Variants in ZNF385B observed in about 807,000 individuals in gnomAD.
The protein encoded by ZNF385B is zinc finger protein 385B.
ZNF385B carries 23 observed loss-of-function variants against 39.2 expected under a neutral mutation model. The ratio of observed to expected loss-of-function variants is 0.59; its 90% CI spans 0.42 to 0.83. The LOEUF is 0.83. Ranked by LOEUF, ZNF385B falls within the 40% of genes least tolerant of loss-of-function variation. The pLI, the probability that ZNF385B is intolerant of heterozygous loss-of-function variation, is 0.00. For missense variants in ZNF385B, 552 were observed against 598.9 expected, an observed-to-expected ratio of 0.92 and a Z score of 0.82; for synonymous variants, 205 against 222.6, an observed-to-expected ratio of 0.92 and a Z score of 0.70.
intron 3 of ZNF385B, among the ~76,000 whole-genome samples, chr2:179,701,917 T>C (rs1699234427): frequency 6.6e-6 from 1 of 152,212 alleles, no homozygotes; most frequent in South Asian, 2.1e-4. Context: ...CCAATCCAAG[T>C]ATAAACTGTC....
At chr2:179,516,165 C>T (rs7579276) in intron 5 of ZNF385B, among the ~76,000 whole-genome samples, 123,777 of 152,020 alleles carry the variant, frequency 0.81, 50,755 homozygotes, top group East Asian at 0.92. Flanking sequence ...ATGGCTTTAA[C>T]ATAGTTTGTT....
chr2:179,813,034 G>A (rs1300407782), intron 1 of ZNF385B, among the ~76,000 whole-genome samples: 1 of 151,662 alleles, frequency 6.6e-6, no homozygotes, highest in Non-Finnish European at 1.5e-5. Context: ...AATTTTTATT[G>A]TGTGGAAGCT....
rs117319434 is a variant in ZNF385B at position 179,606,176 on chromosome 2, C to A, written c.299-61207G>T. On this transcript the variant is annotated intron_variant, in intron 3 of 9. Coordinates refer to ENST00000410066, the MANE Select transcript of ZNF385B (RefSeq NM_152520.6). ...ATCTGATCAGAGTTGATAAAATGAT[C>A]AACTAGCAGAAAACATGGTTCTGCT... is the stretch of plus-strand genomic sequence containing the variant. 2.5e-3 allele frequency among the ~76,000 whole-genome samples: 378 copies of A among 152,168 alleles called. 11 individuals carry two copies. The East Asian group carries it at 0.057, about 23-fold the overall frequency.
In ZNF385B at chr2:179,445,712, G is replaced by T; in HGVS notation, c.978C>A (p.Thr326=). The part of the protein sequence containing the change: ...EAHNTGSKHK[T]MVEARNGAGP... ...CAGCCCCATTACGAGCTTCAACCAT[G>T]GTCTTGTGTTTAGATCCTAAGACAG... Residue 326 remains threonine (T), a synonymous_variant, in exon 8 of 10, where the codon ACC becomes ACA. Coordinates refer to ENST00000410066, the MANE Select transcript of ZNF385B (RefSeq NM_152520.6). 2 of 1,611,094 alleles carry T rather than the reference G, an allele frequency of 1.2e-6. No individual in the cohort carries two copies. The highest frequency in any genetic ancestry group is 1.7e-6 in the Non-Finnish European group (2 of 1,178,916).
chr2:179,763,561 A>G (rs1703520210), intron 3 of ZNF385B, among the ~76,000 whole-genome samples: 1 of 151,990 alleles, frequency 6.6e-6, no homozygotes, highest in Non-Finnish European at 1.5e-5. Flanking sequence ...TGGTTTATCT[A>G]TTCTTTTCTA....
chr2:179,642,856 T>C (rs961213590), intron 3 of ZNF385B, among the ~76,000 whole-genome samples: 7 of 152,172 alleles, frequency 4.6e-5, no homozygotes, highest in African/African-American at 1.7e-4. Flanking sequence ...AACCCTTCAG[T>C]AAACCTATTT....
At chr2:179,689,782 CATGTGTGTGTGT>C (rs1232834097) in intron 3 of ZNF385B, among the ~76,000 whole-genome samples, 2,044 of 104,862 alleles carry the variant, frequency 0.019, 59 homozygotes, top group African/African-American at 0.071. Context: ...AGGGCAGGGG[CATGTGTGTGTGT>C]GTGTGTGTGT....
Position 179,739,604 on chromosome 2 carries a change from T to A in ZNF385B, c.298+29899A>T, listed in dbSNP as rs147411809. Among the ~76,000 whole-genome samples, 7 of 152,344 alleles carry A rather than the reference T, an allele frequency of 4.6e-5. No individual in the cohort carries two copies. The East Asian group carries it at 1.3e-3, about 29-fold the overall frequency. On this transcript the variant is annotated intron_variant, in intron 3 of 9. Coordinates refer to ENST00000410066, the MANE Select transcript of ZNF385B (RefSeq NM_152520.6). ...TTTTACAGCTTAGACGGAGTTTAGC[T>A]TTACTGTAGGTTTACCTTAAACACG...
chr2:179,734,742 T>G (rs1380983595), intron 3 of ZNF385B, among the ~76,000 whole-genome samples: 1 of 152,154 alleles, frequency 6.6e-6, no homozygotes, highest in Non-Finnish European at 1.5e-5. Flanking sequence ...AAATAAATAA[T>G]ACACAGTATA....
chr2:179,492,845 A>G (rs2055394317), intron 5 of ZNF385B, among the ~76,000 whole-genome samples: 1 of 152,136 alleles, frequency 6.6e-6, no homozygotes, highest in Non-Finnish European at 1.5e-5. Flanking sequence ...AGAGAAAATA[A>G]TGAAAACACA....
chr2:179,778,332 TC>T (rs371144317), intron 1 of ZNF385B, among the ~76,000 whole-genome samples: 625 of 152,260 alleles, frequency 4.1e-3, no homozygotes, highest in African/African-American at 0.014. Context: ...GCAGCTCTGT[TC>T]CTCCCACTAC....
intron 5 of ZNF385B, among the ~76,000 whole-genome samples, chr2:179,505,981 T>C (rs1320830695): frequency 1.3e-5 from 2 of 152,116 alleles, no homozygotes; most frequent in Admixed American, 1.3e-4. Context: ...TTTAATAATA[T>C]ATATGTAAGA....
At chr2:179,550,057 A>G (rs2060473516) in intron 3 of ZNF385B, among the ~76,000 whole-genome samples, 1 of 149,562 alleles carries the variant, frequency 6.7e-6, no homozygotes, top group South Asian at 2.1e-4. Flanking sequence ...ACTTATTAAA[A>G]TATTTTAAAA....
At chr2:179,591,668 T>C (rs1687576109) in intron 3 of ZNF385B, among the ~76,000 whole-genome samples, 1 of 152,160 alleles carries the variant, frequency 6.6e-6, no homozygotes, top group Non-Finnish European at 1.5e-5. Context: ...CACTGAACTT[T>C]CTCTCTCTGC....
intron 5 of ZNF385B, among the ~76,000 whole-genome samples, chr2:179,504,779 G>GCAC (rs1386395194): frequency 7.9e-5 from 12 of 151,092 alleles, no homozygotes; most frequent in Admixed American, 5.9e-4. Context: ...CGCACGTTGT[G>GCAC]CACATGTACC....
At chr2:179,476,274 C>A (rs886398445) in intron 6 of ZNF385B, among the ~76,000 whole-genome samples, 1 of 152,006 alleles carries the variant, frequency 6.6e-6, no homozygotes, top group African/African-American at 2.4e-5. Context: ...AATGTACATA[C>A]AAAATCCTTT....
At chr2:179,852,384 C>T (rs941139357) in intron 1 of ZNF385B, among the ~76,000 whole-genome samples, 3 of 152,106 alleles carry the variant, frequency 2.0e-5, no homozygotes, top group South Asian at 2.1e-4. Context: ...TACAAAAATA[C>T]GGTGAGTCAT....
intron 4 of ZNF385B, among the ~76,000 whole-genome samples, chr2:179,520,145 A>G (rs564186696): frequency 6.6e-6 from 1 of 152,090 alleles, no homozygotes; most frequent in Non-Finnish European, 1.5e-5. Context: ...CAGACTGGGC[A>G]ACACAGCAAG....
At chr2:179,842,015 C>A (rs1708562021) in intron 1 of ZNF385B, among the ~76,000 whole-genome samples, 1 of 152,202 alleles carries the variant, frequency 6.6e-6, no homozygotes, top group Non-Finnish European at 1.5e-5. Flanking sequence ...ACCTTTAAAT[C>A]CCAGGAATCA....
Sources: gnomAD v4.1 joint callset for allele counts (sites outside exome capture counted in the v4.1 genomes callset) on GRCh38, gnomAD v4.1.1 for gene constraint, MANE v1.5 for transcripts, NCBI Gene and HGNC (gene_info 2026-07-23, HGNC 2026-07-21) for gene names.